HUWE1: variants seen among roughly 807,000 people sequenced by gnomAD.
HUWE1 encodes the protein E3 ubiquitin-protein ligase HUWE1.
In HUWE1, 18 loss-of-function variants were observed where a neutral mutation model predicts 299.4. The observed-to-expected ratio is 0.06, with a 90% CI of 0.04 to 0.09. HUWE1 has a LOEUF of 0.09. Among genes scored for constraint, HUWE1 ranks in the 10% least tolerant of loss-of-function variants. HUWE1 has a pLI of 1.00. For synonymous variants in HUWE1, 1,317 were observed against 1,286.1 expected (o/e 1.02, Z -0.51); for missense variants, 1,832 against 3,462.3 (o/e 0.53, Z 11.82).
At position 53,552,774 on chromosome X, in the gene HUWE1, C is replaced by T. The variant is rs1556930512; in HGVS notation, c.8614G>A (p.Gly2872Ser). Residue 2872 changes from glycine to serine, a missense_variant, in exon 62 of 84, where the codon GGT becomes AGT. Coordinates refer to ENST00000262854, the MANE Select transcript of HUWE1 (RefSeq NM_031407.7). ...GAACTGCCAGCTGCTGAAGTGTCAC[C>T]CACAGCCTCCTCTAAGGTACAGGAA... ...LASCTLEEAV[G>S]DTSAAGSSEQ... The T allele has an allele frequency of 8.3e-7, 1 of 1,210,062 alleles. No homozygotes were observed. Among genetic ancestry groups the T allele is most frequent in the East Asian group, 3.0e-5 (1 of 33,729 alleles).
At chrX:53,533,492 C>T in intron 83 of HUWE1, 81 bp from the exon 84 acceptor site, 1 of 657,150 alleles carries the variant, frequency 1.5e-6, no homozygotes, top group Non-Finnish European at 2.5e-6. Flanking sequence ...CCCACCAGCC[C>T]CTCCCCTCCC....
In HUWE1 at chrX:53,549,031, G is replaced by A. The variant is rs781792367; in HGVS notation, c.9963C>T (p.Thr3321=). ...GAGCAGCTTGGGGATGGATGTGGAC[G>A]GTGGAGCCACCGCTTGCATGCTTCT... ...HTEKHASGGS[T]VHIHPQAAPV... The change falls in exon 67 of 84, where the codon ACC becomes ACT. Residue 3321 remains threonine, a synonymous_variant. Coordinates refer to ENST00000262854, the MANE Select transcript of HUWE1 (RefSeq NM_031407.7). The A allele has an allele frequency of 9.1e-6, 11 of 1,209,536 alleles. No homozygotes were observed. Among genetic ancestry groups the A allele is most frequent in the East Asian group, 5.9e-5 (2 of 33,766 alleles).
intron 70 of HUWE1, among the ~76,000 whole-genome samples, chrX:53,546,115 G>C (rs1257426776): frequency 1.8e-5 from 2 of 111,383 alleles, no homozygotes; most frequent in Non-Finnish European, 3.8e-5. Flanking sequence ...CTGTCTTATG[G>C]GGCTCTTACG....
chrX:53,591,585 C>T (rs1305408241), intron 33 of HUWE1, among the ~76,000 whole-genome samples: 2 of 111,538 alleles, frequency 1.8e-5, no homozygotes, highest in African/African-American at 3.3e-5. Flanking sequence ...GTTAAAACAT[C>T]AAACTGTAAG....
At chrX:53,576,615 T>A (rs1301873447) in intron 44 of HUWE1, among the ~76,000 whole-genome samples, 1 of 112,181 alleles carries the variant, frequency 8.9e-6, no homozygotes, top group Non-Finnish European at 1.9e-5. Flanking sequence ...GGCAATCTCA[T>A]CCATTCAAGG....
intron 3 of HUWE1, among the ~76,000 whole-genome samples, chrX:53,655,185 T>C (rs2068687242): frequency 9.0e-6 from 1 of 111,036 alleles, no homozygotes; most frequent in Non-Finnish European, 1.9e-5. Flanking sequence ...CAAAAGATTC[T>C]GCTATTAACA....
In HUWE1 at chrX:53,580,817, C is replaced by A. The variant is rs1295018851; in HGVS notation, c.5716+14G>T. ...CAAACTTAATATCAAAGGCCAGGAG[C>A]AAGCGAAACTTACCAGTTCCTGAGC... On this transcript the variant is annotated intron_variant, in intron 43 of 83. Transcript: ENST00000262854. 2 of 1,207,333 alleles carry A rather than the reference C, an allele frequency of 1.7e-6. No individual in the cohort carries two copies. Among genetic ancestry groups the A allele is most frequent in the African/African-American group, 3.5e-5 (2 of 57,181 alleles).
chrX:53,558,915 G>A lies in HUWE1; in HGVS notation c.8005+56C>T, dbSNP rs782467816. 358 of 1,169,211 alleles carry A rather than the reference G, an allele frequency of 3.1e-4. 1 individual carries two copies. The highest frequency in any genetic ancestry group is 2.2e-3 in the South Asian group (120 of 55,399). On this transcript the variant is annotated intron_variant, in intron 58 of 83. Coordinates refer to ENST00000262854, the MANE Select transcript of HUWE1 (RefSeq NM_031407.7). ...GAACCAGGGAAACAACTCTCCACAC[G>A]TTTGCCCTAGCTCTGGAAGGCTCAC...
At chrX:53,562,766 C>A in intron 53 of HUWE1, 65 bp downstream of exon 53, 1 of 907,480 alleles carries the variant, frequency 1.1e-6, no homozygotes. Flanking sequence ...CAGGAAAACC[C>A]TAGTGTAGTG....
At chrX:53,578,301 C>T (rs1300191735) in intron 43 of HUWE1, among the ~76,000 whole-genome samples, 1 of 109,071 alleles carries the variant, frequency 9.2e-6, no homozygotes, top group Non-Finnish European at 1.9e-5. Flanking sequence ...GCCACCCCGT[C>T]TGGGAAGTGA....
intron 7 of HUWE1, among the ~76,000 whole-genome samples, chrX:53,644,933 T>C (rs1202645446): frequency 3.6e-5 from 4 of 112,078 alleles, no homozygotes; most frequent in African/African-American, 1.3e-4. Flanking sequence ...GAAGTAGATA[T>C]GTTAAATTCC....
At position 53,679,985 on chromosome X, in the gene HUWE1, C is replaced by T. The variant is rs962605355; in HGVS notation, c.-25+64G>A. On this transcript the variant is annotated intron_variant, in intron 3 of 83. Transcript: ENST00000262854. ...CATTACAGAATGGGAATACATCCAC[C>T]CCTACTATCTCCATTCCAGGAAGTA... is the stretch of plus-strand genomic sequence containing the variant. The T allele has an allele frequency of 9.8e-5, 29 of 294,424 alleles. 1 individual carries two copies. The Admixed American group carries it at 1.7e-3, about 17-fold the overall frequency. 24.3% of individuals were successfully genotyped at this position (294,424 alleles called of 1,213,427 possible). A position where few individuals can be genotyped will look rare whatever the true frequency, so the allele number is the denominator to read the frequency against.
intron 49 of HUWE1, among the ~76,000 whole-genome samples, chrX:53,568,174 T>C (rs1556947315): frequency 2.7e-5 from 3 of 112,085 alleles, no homozygotes; most frequent in Non-Finnish European, 1.9e-5. Context: ...GAAAAATGCT[T>C]AATTATGGAT....
chrX:53,590,555 A>G, intron 34 of HUWE1, 56 bp from the exon 35 acceptor site: 1 of 868,807 alleles, frequency 1.2e-6, no homozygotes, highest in South Asian at 2.0e-5. Context: ...AAGAAACCCA[A>G]CAAGACCACT....
rs1556955606 is a variant in HUWE1 at position 53,573,983 on chromosome X, C to T, written c.6098-19G>A. On this transcript the variant is annotated intron_variant, in intron 46 of 83. Transcript: ENST00000262854. Reference sequence around the variant, plus strand: ...GTTGAAGCTGTTGAGAAAAGTCAAACACTGGTTCAATTCCACACTGGAACA... The same window carrying T: ...GTTGAAGCTGTTGAGAAAAGTCAAATACTGGTTCAATTCCACACTGGAACA... 3.4e-6 allele frequency: 4 copies of T among 1,162,252 alleles called. No homozygotes were observed. In the South Asian group the frequency reaches 5.4e-5, roughly 16 times the overall value.
intron 2 of HUWE1, among the ~76,000 whole-genome samples, chrX:53,682,190 T>C (rs1439701509): frequency 8.9e-6 from 1 of 111,980 alleles, no homozygotes; most frequent in Non-Finnish European, 1.9e-5. Context: ...GTGCCTACCA[T>C]GAGCTAAACA....
chrX:53,593,431 T>C lies in HUWE1; in HGVS notation c.3674A>G (p.Lys1225Arg), dbSNP rs782099977. 4 of 1,211,410 alleles carry C rather than the reference T, an allele frequency of 3.3e-6. No individual in the cohort carries two copies. The highest frequency in any genetic ancestry group is 3.0e-5 in the East Asian group (1 of 33,828). ...AAAGTTCTGGACACCTCCAGGCAAT[T>C]TGGCAGGCAGCGAATGTGGAGATTC... ...VLESPHSLPAKLPGGVQNFPQ... is the reference protein window; with the variant it reads ...VLESPHSLPARLPGGVQNFPQ... Residue 1225 changes from lysine (K) to arginine (R), a missense_variant, in exon 32 of 84, where the codon AAA (lysine) becomes AGA (arginine). This residue lies in a region of HUWE1 where 658 missense variants were observed against 1,282.6 expected (regional missense o/e 0.51). Coordinates refer to ENST00000262854, the MANE Select transcript of HUWE1 (RefSeq NM_031407.7).
chrX:53,533,301 G>C lies in HUWE1; in HGVS notation c.*8C>G. 1 of 1,154,533 alleles carries C rather than the reference G, an allele frequency of 8.7e-7. No individual in the cohort carries two copies. The highest frequency in any genetic ancestry group is 1.8e-5 in the African/African-American group (1 of 56,671). On this transcript the variant is annotated 3_prime_UTR_variant, in exon 84 of 84. Coordinates refer to ENST00000262854, the MANE Select transcript of HUWE1 (RefSeq NM_031407.7). ...AAAAAAAACCCCACGGAGTTGGGCA[G>C]GGCCTTATTAGGCCAGCCCAAAGCC...
chrX:53,585,405 G>C (rs1215122319), intron 39 of HUWE1, among the ~76,000 whole-genome samples: 1 of 112,328 alleles, frequency 8.9e-6, no homozygotes, highest in African/African-American at 3.2e-5. Context: ...TAAAGTTCAG[G>C]TGTTGAAAAC....
Sources: gnomAD v4.1 joint callset for allele counts (sites outside exome capture counted in the v4.1 genomes callset) on GRCh38, gnomAD v4.1.1 for gene constraint, gnomAD v4.1.1 regional missense constraint, MANE v1.5 for transcripts, NCBI Gene and HGNC (gene_info 2026-07-23, HGNC 2026-07-21) for gene names.